The following MED13L variants were observed in gnomAD, a reference collection of about 807,000 sequenced individuals.
MED13L encodes the protein mediator complex subunit 13L, also known as mediator of RNA polymerase II transcription subunit 13-like.
A neutral mutation model predicts 220.9 loss-of-function variants in MED13L; 7 were observed. The observed-to-expected ratio is 0.03, with a 90% CI of 0.02 to 0.06. The LOEUF (loss-of-function observed/expected upper bound fraction) is 0.06. Among genes scored for constraint, MED13L ranks in the 10% least tolerant of loss-of-function variants. MED13L has a pLI of 1.00. For synonymous variants in MED13L, 1,011 were observed against 1,015.2 expected (o/e 1.00, Z 0.08); for missense variants, 1,965 against 2,760.5 (o/e 0.71, Z 6.46).
At chr12:116,078,141 CAAAAAAA>C (rs924705816) in intron 4 of MED13L, among the ~76,000 whole-genome samples, 2 of 58,718 alleles carry the variant, frequency 3.4e-5, no homozygotes, top group Non-Finnish European at 7.1e-5. Flanking sequence ...GACTCTGTCT[CAAAAAAA>C]AAAAAAAAAA....
chr12:116,004,801 A>G (rs7980606), intron 13 of MED13L, among the ~76,000 whole-genome samples: 37,671 of 152,014 alleles, frequency 0.25, 4,784 homozygotes, highest in Middle Eastern at 0.32. Flanking sequence ...CAGTAATGGT[A>G]TATAATATCT....
At chr12:116,064,475 G>T (rs570009075) in intron 4 of MED13L, among the ~76,000 whole-genome samples, 1 of 152,202 alleles carries the variant, frequency 6.6e-6, no homozygotes, top group Middle Eastern at 3.4e-3. Flanking sequence ...TATGAAAAGA[G>T]GTCAATTTGA....
chr12:116,207,718 T>A (rs753398010), intron 2 of MED13L, among the ~76,000 whole-genome samples: 1 of 151,994 alleles, frequency 6.6e-6, no homozygotes, highest in Non-Finnish European at 1.5e-5. Context: ...GTAAAAACCT[T>A]GTAGTCCTGA....
intron 4 of MED13L, among the ~76,000 whole-genome samples, chr12:116,086,138 G>A (rs1871660347): frequency 6.6e-6 from 1 of 152,160 alleles, no homozygotes; most frequent in South Asian, 2.1e-4. Flanking sequence ...ATATACGAGG[G>A]CAGAGTGATT....
intron 4 of MED13L, among the ~76,000 whole-genome samples, chr12:116,093,630 A>G (rs900674550): frequency 1.3e-5 from 2 of 152,008 alleles, no homozygotes; most frequent in Admixed American, 1.3e-4. Flanking sequence ...CAGTATGAGA[A>G]ATTAGTAATA....
chr12:116,152,968 T>C (rs1344220978), intron 2 of MED13L, among the ~76,000 whole-genome samples: 1 of 150,962 alleles, frequency 6.6e-6, no homozygotes, highest in African/African-American at 2.4e-5. Context: ...AAATTCCGAG[T>C]CTGTGAGATC....
intron 2 of MED13L, among the ~76,000 whole-genome samples, chr12:116,188,876 T>C (rs1033010507): frequency 2.6e-5 from 4 of 152,234 alleles, no homozygotes; most frequent in African/African-American, 9.6e-5. Flanking sequence ...TGGAGATTTA[T>C]CCAGGTTACT....
chr12:115,984,079 G>T, intron 20 of MED13L, 101 bp downstream of exon 20: 1 of 1,307,142 alleles, frequency 7.7e-7, no homozygotes, highest in Non-Finnish European at 1.1e-6. Flanking sequence ...AGCATTACTT[G>T]AGACAAAAGA....
At chr12:116,222,013 C>G (rs1042399163) in intron 2 of MED13L, among the ~76,000 whole-genome samples, 2 of 152,066 alleles carry the variant, frequency 1.3e-5, no homozygotes, top group Non-Finnish European at 2.9e-5. Flanking sequence ...ATTGACAATG[C>G]TAGGTGGAAA....
At chr12:116,251,855 A>C (rs1420451306) in intron 1 of MED13L, among the ~76,000 whole-genome samples, 2 of 152,008 alleles carry the variant, frequency 1.3e-5, no homozygotes. Context: ...AAATGACAGA[A>C]AAAAGATATA....
chr12:116,020,102 A>G (rs529090774), intron 5 of MED13L, 130 bp from the exon 6 acceptor site: 35 of 855,420 alleles, frequency 4.1e-5, no homozygotes, highest in African/African-American at 6.9e-5. Flanking sequence ...TCCTAACTCT[A>G]TTTAAAGTAT....
At chr12:116,209,632 T>C (rs1473941573) in intron 2 of MED13L, among the ~76,000 whole-genome samples, 5 of 152,180 alleles carry the variant, frequency 3.3e-5, no homozygotes, top group Non-Finnish European at 7.3e-5. Context: ...TCCTAAGTAT[T>C]TTCCTTATTA....
rs1876571438 is a variant in MED13L, at chr12:115,971,363, C to T, written c.5891-593G>A. On this transcript the variant is annotated intron_variant, in intron 26 of 30. Transcript: ENST00000281928. ...GTCTAATGAGGACATCTGTCTCTCA[C>T]TGGATTGATGACAAGTAACCCCATT... Among the ~76,000 whole-genome samples the T allele has an allele frequency of 2.6e-5, 4 of 152,298 alleles. No individual in the cohort carries two copies. The South Asian group carries it at 8.3e-4, about 32-fold the overall frequency.
chr12:115,988,359 C>T (rs1192057240), intron 17 of MED13L, among the ~76,000 whole-genome samples: 1 of 152,156 alleles, frequency 6.6e-6, no homozygotes, highest in Non-Finnish European at 1.5e-5. Flanking sequence ...AACTGGGAGA[C>T]CCATATTCCT....
chr12:115,997,065 T>C lies in MED13L; in HGVS notation c.2735A>G (p.Glu912Gly). 6.2e-7 allele frequency: 1 copy of C among 1,614,148 alleles called. No homozygotes were observed. Among genetic ancestry groups the C allele is most frequent in the South Asian group, 1.1e-5 (1 of 91,082 alleles). The change falls in exon 15 of 31, where the codon GAA becomes GGA. Residue 912 changes from glutamate (E) to glycine (G), a missense_variant. Transcript: ENST00000281928. ...MVSMVSTQLT[E>G]FKMEVEDGLG... ...TCCATCTTCCACTTCCATTTTGAAT[T>C]CTGTGAGTTGTGTTGAAACCATACT... is the stretch of plus-strand genomic sequence containing the variant.
intron 2 of MED13L, among the ~76,000 whole-genome samples, chr12:116,208,231 C>A (rs552280775): frequency 2.2e-4 from 34 of 152,228 alleles, no homozygotes; most frequent in South Asian, 4.1e-4. Flanking sequence ...CCGGTTTCTA[C>A]TAAAAATACA....
chr12:116,112,482 C>T (rs1874170696), intron 2 of MED13L, among the ~76,000 whole-genome samples: 1 of 152,200 alleles, frequency 6.6e-6, no homozygotes, highest in African/African-American at 2.4e-5. Flanking sequence ...TCAAATCAGA[C>T]AGCATTTGAA....
chr12:116,211,573 T>C (rs1021300274), intron 2 of MED13L, among the ~76,000 whole-genome samples: 4 of 152,184 alleles, frequency 2.6e-5, no homozygotes, highest in African/African-American at 7.2e-5. Flanking sequence ...CTAGAAGATA[T>C]ATCCTGAAAC....
At chr12:116,113,553 G>A (rs991152295) in intron 2 of MED13L, among the ~76,000 whole-genome samples, 3 of 150,242 alleles carry the variant, frequency 2.0e-5, no homozygotes, top group African/African-American at 7.4e-5. Context: ...TACTCTGGAC[G>A]CTGAGGCGAG....
Sources: allele counts gnomAD v4.1 joint callset (sites outside exome capture counted in the v4.1 genomes callset), GRCh38; gene constraint gnomAD v4.1.1; transcripts MANE v1.5; gene names NCBI Gene and HGNC (gene_info 2026-07-23, HGNC 2026-07-21).